Variants in RHOT2 observed in about 807,000 individuals in gnomAD.
RHOT2 encodes mitochondrial Rho GTPase 2.
RHOT2 carries 90 observed loss-of-function variants against 81.6 expected under a neutral mutation model. That is an observed-to-expected ratio of 1.10 (90% CI 0.93 to 1.31). RHOT2 has a LOEUF of 1.31. RHOT2 is among the 40% of genes most tolerant of loss of function. RHOT2 has a pLI of 0.00. For synonymous variants in RHOT2, 512 were observed against 370.9 expected, an observed-to-expected ratio of 1.38 and a Z score of -4.37; for missense variants, 1,014 against 841.9, an observed-to-expected ratio of 1.20 and a Z score of -2.53.
chr16:670,500 C>G lies in RHOT2; in HGVS notation c.483C>G (p.Tyr161Ter). ...GGAACATCTCAGAGCTGTTCTACTA[C>G]GCCCAGAAGGCCGTCCTGCATCCCA... ...NLRNISELFYYAQKAVLHPTA... is the reference protein window; with the variant it reads ...NLRNISELFY Residue 161 changes from tyrosine to a stop codon, truncating the protein, a stop_gained, in exon 8 of 19, where the codon TAC (tyrosine) becomes TAG (stop). Coordinates refer to ENST00000315082, the MANE Select transcript of RHOT2 (RefSeq NM_138769.3). LOFTEE classifies it high-confidence loss of function. 1 of 1,608,490 alleles carries G rather than the reference C, an allele frequency of 6.2e-7. No individual in the cohort carries two copies. The highest frequency in any genetic ancestry group is 1.1e-5 in the South Asian group (1 of 90,456).
At position 673,900 on chromosome 16, in the gene RHOT2, C is replaced by G; in HGVS notation, c.*294C>G. 1 of 596,842 alleles carries G rather than the reference C, an allele frequency of 1.7e-6. No homozygotes were observed. Among genetic ancestry groups the G allele is most frequent in the Non-Finnish European group, 3.1e-6 (1 of 318,898 alleles). The allele number at this position is 596,842 out of a possible 1,614,324, so 37.0% of individuals were successfully genotyped here. A position where few individuals can be genotyped will look rare whatever the true frequency, so the allele number is the denominator to read the frequency against. ...CCCCTGGGCATCATGTGTGTGGGGC[C>G]GGGGAGCACAGGTGTGGGAGCTGGT... is the stretch of plus-strand genomic sequence containing the variant. On this transcript the variant is annotated 3_prime_UTR_variant, in exon 19 of 19. Coordinates refer to ENST00000315082, the MANE Select transcript of RHOT2 (RefSeq NM_138769.3).
At position 672,330 on chromosome 16, in the gene RHOT2, C is replaced by G; in HGVS notation, c.1272C>G (p.Ala424=). 2 of 1,612,348 alleles carry G rather than the reference C, an allele frequency of 1.2e-6. No individual in the cohort carries two copies. Among genetic ancestry groups the G allele is most frequent in the Non-Finnish European group, 1.7e-6 (2 of 1,179,724 alleles). The change falls in exon 15 of 19, where the codon GCC becomes GCG. Residue 424 remains alanine (A), a synonymous_variant. Coordinates refer to ENST00000315082, the MANE Select transcript of RHOT2 (RefSeq NM_138769.3). The part of the protein sequence containing the change: ...RSVLLCKVVG[A]RGVGKSAFLQ... ...TCCTCCTGTGCAAGGTGGTAGGGGC[C>G]CGTGGAGTGGGCAAGTCTGCCTTCC...
At chr16:668,319 T>TGTAAAAA in intron 1 of RHOT2, 34 bp from the exon 2 acceptor site, 1 of 1,292,982 alleles carries the variant, frequency 7.7e-7, no homozygotes, top group Non-Finnish European at 9.8e-7. Flanking sequence ...CGCCGTGACC[T>TGTAAAAA]TGGCCCTCGC....
chr16:671,029 G>C, intron 10 of RHOT2, 29 bp downstream of exon 10: 1 of 1,606,038 alleles, frequency 6.2e-7, no homozygotes, highest in Non-Finnish European at 8.5e-7. Context: ...CTGTGCCTGG[G>C]GAGTGTGGGG....
chr16:673,567 C>T lies in RHOT2; in HGVS notation c.1818C>T (p.Leu606=). ...TCGGGGCCGCCGTGGCCGCAGTCCT[C>T]AGCTTCTCACTCTACAGGGTCCTGG... ...GVVGAAVAAV[L]SFSLYRVLVK... The change falls in exon 19 of 19, where the codon CTC becomes CTT. Residue 606 remains leucine, a synonymous_variant. Coordinates refer to ENST00000315082, the MANE Select transcript of RHOT2 (RefSeq NM_138769.3). The T allele has an allele frequency of 1.2e-6, 2 of 1,612,114 alleles. No individual in the cohort carries two copies. Among genetic ancestry groups the T allele is most frequent in the Non-Finnish European group, 1.7e-6 (2 of 1,179,874 alleles).
chr16:671,032 G>A (rs2038834075), intron 10 of RHOT2, 32 bp downstream of exon 10: 1 of 1,606,624 alleles, frequency 6.2e-7, no homozygotes, highest in South Asian at 1.1e-5. Context: ...TGCCTGGGGA[G>A]TGTGGGGAGG....
rs150675980 is a variant in RHOT2 at position 672,370 on chromosome 16, G to A, written c.1312G>A (p.Gly438Ser). Residue 438 changes from glycine (G) to serine (S), a missense_variant, in exon 15 of 19, where the codon GGC becomes AGC. By Grantham distance (56) the Gly-to-Ser change is moderately conservative. Coordinates refer to ENST00000315082, the MANE Select transcript of RHOT2 (RefSeq NM_138769.3). ...GKSAFLQAFL[G>S]RGLGHQDTRE... ...GTCTGCCTTCCTGCAGGCCTTTCTC[G>A]GCCGCGGCCTGGGGGTAAGCACCCT... is the stretch of plus-strand genomic sequence containing the variant. The A allele has an allele frequency of 3.6e-5, 58 of 1,610,328 alleles. No homozygotes were observed. The Admixed American group carries it at 4.5e-4, about 13-fold the overall frequency.
chr16:669,108 A>G, intron 4 of RHOT2: 1 of 386,826 alleles, frequency 2.6e-6, no homozygotes. Flanking sequence ...CACCCAGGGC[A>G]GCCCCTGCTG....
chr16:669,716 G>A (rs2038581979), intron 5 of RHOT2, 110 bp downstream of exon 5: 6 of 1,135,708 alleles, frequency 5.3e-6, no homozygotes, highest in Non-Finnish European at 7.8e-6. Context: ...ATTTTGGGGA[G>A]CCTGACGTGG....
At position 670,523 on chromosome 16, in the gene RHOT2, C is replaced by A. The variant is rs746378817; in HGVS notation, c.506C>A (p.Pro169His). ...FYYAQKAVLH[P>H]TAPLYDPEAK... is the part of the protein sequence containing the mutation. Reference sequence around the variant, plus strand: ...TACGCCCAGAAGGCCGTCCTGCATCCCACAGCCCCCCTCTATGACCCTGAG... The same window carrying A: ...TACGCCCAGAAGGCCGTCCTGCATCACACAGCCCCCCTCTATGACCCTGAG... The change falls in exon 8 of 19, where the codon CCC becomes CAC. Residue 169 changes from proline to histidine, a missense_variant. Transcript: ENST00000315082. 1.9e-6 allele frequency: 3 copies of A among 1,608,172 alleles called. No individual in the cohort carries two copies. Among genetic ancestry groups the A allele is most frequent in the Non-Finnish European group, 1.7e-6 (2 of 1,177,588 alleles).
At chr16:668,837 C>A in intron 4 of RHOT2, 138 bp downstream of exon 4, 2 of 927,602 alleles carry the variant, frequency 2.2e-6, no homozygotes, top group South Asian at 3.5e-5. Context: ...TGAGGGTTGT[C>A]GGGGCCCCTA....
Position 670,318 on chromosome 16 carries a change from C to T in RHOT2, c.399C>T (p.Pro133=), listed in dbSNP as rs2038702805. The change falls in exon 7 of 19, where the codon CCC becomes CCT. Residue 133 remains proline (P), a synonymous_variant. Coordinates refer to ENST00000315082, the MANE Select transcript of RHOT2 (RefSeq NM_138769.3). ...GGAGCTCCATGGAGGCCGTGCTCCC[C>T]ATCATGAGCCAGTTTCCCGAGATTG... The part of the protein sequence containing the change: ...RSGSSMEAVL[P]IMSQFPEIET... 2.5e-6 allele frequency: 4 copies of T among 1,612,742 alleles called. No homozygotes were observed. Among genetic ancestry groups the T allele is most frequent in the African/African-American group, 2.7e-5 (2 of 74,924 alleles).
In RHOT2 at chr16:669,563, T is replaced by C. The variant is rs769143418; in HGVS notation, c.233T>C (p.Val78Ala). 5.0e-6 allele frequency: 8 copies of C among 1,611,876 alleles called. No homozygotes were observed. The highest frequency in any genetic ancestry group is 3.3e-4 in the Middle Eastern group (2 of 6,056). ...LREEIHKANV[V>A]CVVYDVSEEA... is the part of the protein sequence containing the mutation. Reference sequence around the variant, plus strand: ...TCACTGTTCCCTCAGGCAAACGTGGTGTGTGTGGTGTATGACGTCTCTGAG... The same window carrying C: ...TCACTGTTCCCTCAGGCAAACGTGGCGTGTGTGGTGTATGACGTCTCTGAG... Residue 78 changes from valine to alanine, a missense_variant, in exon 5 of 19, where the codon GTG becomes GCG. Val to Ala is a moderately conservative substitution (Grantham distance 64). Transcript: ENST00000315082.
rs766489727 is a variant in RHOT2, at chr16:670,699, C to G, written c.565C>G (p.Leu189Val). ...GTTGAGGCCCGCGTGCGCCCAGGCG[C>G]TGACGCGCATCTTCAGGCTCTCAGA... ...KQLRPACAQA[L>V]TRIFRLSDQD... Residue 189 changes from leucine to valine, a missense_variant, in exon 9 of 19, where the codon CTG (leucine) becomes GTG (valine). Coordinates refer to ENST00000315082, the MANE Select transcript of RHOT2 (RefSeq NM_138769.3). 6.2e-7 allele frequency: 1 copy of G among 1,612,406 alleles called. No homozygotes were observed. Among genetic ancestry groups the G allele is most frequent in the Non-Finnish European group, 8.5e-7 (1 of 1,179,916 alleles).
In RHOT2 at chr16:672,987, C is replaced by G; in HGVS notation, c.1587C>G (p.Pro529=). Residue 529 remains proline (P), a synonymous_variant, in exon 18 of 19, where the codon CCC becomes CCG. Transcript: ENST00000315082. The part of the protein sequence containing the change: ...CLFVSSKADL[P]EGVAVSGPSP... ...TTGTCTCCTCCAAGGCCGACCTGCC[C>G]GAAGGTGTCGCGGTGTCTGGCCCAT... 1 of 1,612,770 alleles carries G rather than the reference C, an allele frequency of 6.2e-7. No homozygotes were observed. Among genetic ancestry groups the G allele is most frequent in the Non-Finnish European group, 8.5e-7 (1 of 1,179,986 alleles).
rs773722331 is a variant in RHOT2 at position 672,854 on chromosome 16, T to C, written c.1527+29T>C. 18 of 1,612,444 alleles carry C rather than the reference T, an allele frequency of 1.1e-5. No homozygotes were observed. The Admixed American group carries it at 1.2e-4, about 10-fold the overall frequency. The stretch of plus-strand genomic sequence containing the variant: ...GGGCCCTGCAGGGGCCACGTGGCCA[T>C]GGGGCAGGGTCTGTCCCTCCAGCTG... On this transcript the variant is annotated intron_variant, in intron 17 of 18. Coordinates refer to ENST00000315082, the MANE Select transcript of RHOT2 (RefSeq NM_138769.3).
chr16:673,433 G>A (rs1370559353), intron 18 of RHOT2, 47 bp from the exon 19 acceptor site: 5 of 1,610,678 alleles, frequency 3.1e-6, no homozygotes, highest in East Asian at 2.2e-5. Flanking sequence ...GCAGCAAGCT[G>A]GGGGCATGTG....
chr16:671,063 C>G lies in RHOT2; in HGVS notation c.749-20C>G. On this transcript the variant is annotated intron_variant, in intron 10 of 18. Coordinates refer to ENST00000315082, the MANE Select transcript of RHOT2 (RefSeq NM_138769.3). ...GGAGGGGGCTGTGCCTGGTGCTCCC[C>G]CTGCTTTGTCTCGGTGCAGGTTTCC... The G allele has an allele frequency of 6.2e-7, 1 of 1,608,850 alleles. No homozygotes were observed. Among genetic ancestry groups the G allele is most frequent in the Non-Finnish European group, 8.5e-7 (1 of 1,179,654 alleles).
chr16:668,791 G>A, intron 4 of RHOT2, 92 bp downstream of exon 4: 1 of 1,365,966 alleles, frequency 7.3e-7, no homozygotes, highest in Non-Finnish European at 9.9e-7. Flanking sequence ...GGTGCTCCGG[G>A]TGTCCTTGGC....
Sources: gnomAD v4.1 joint callset for allele counts on GRCh38, gnomAD v4.1.1 for gene constraint, MANE v1.5 for transcripts, NCBI Gene and HGNC (gene_info 2026-07-23, HGNC 2026-07-21) for gene names.